Variants in SERPINI1 observed in about 807,000 individuals in gnomAD.
SERPINI1 encodes serpin family I member 1, also known as neuroserpin.
A neutral mutation model predicts 41.1 loss-of-function variants in SERPINI1; 19 were observed. The ratio of observed to expected loss-of-function variants is 0.46; its 90% CI spans 0.32 to 0.68. The LOEUF is 0.68. Ranked by LOEUF, SERPINI1 falls within the 30% of genes least tolerant of loss-of-function variation. SERPINI1 has a pLI of 0.03. For missense variants in SERPINI1, 460 were observed against 479.2 expected, an observed-to-expected ratio of 0.96 and a Z score of 0.37; for synonymous variants, 138 against 156.6, an observed-to-expected ratio of 0.88 and a Z score of 0.89.
chr3:167,797,807 A>G (rs1727765004), intron 5 of SERPINI1, among the ~76,000 whole-genome samples: 1 of 152,094 alleles, frequency 6.6e-6, no homozygotes, highest in Admixed American at 6.6e-5. Flanking sequence ...CTTAATTCCA[A>G]AGAACAATTT....
intron 1 of SERPINI1, among the ~76,000 whole-genome samples, chr3:167,744,748 CTA>C (rs1248061046): frequency 4.5e-5 from 5 of 110,378 alleles, no homozygotes; most frequent in African/African-American, 1.1e-4. Context: ...TTATATATAA[CTA>C]TATTTATATA....
At chr3:167,797,105 T>G (rs60679606) in intron 5 of SERPINI1, among the ~76,000 whole-genome samples, 19,454 of 152,134 alleles carry the variant, frequency 0.13, 1,490 homozygotes, top group African/African-American at 0.21. Context: ...ATTTCTCTAA[T>G]GTTCAGTGAT....
At chr3:167,791,764 A>C (rs1222800204) in intron 3 of SERPINI1, among the ~76,000 whole-genome samples, 2 of 152,238 alleles carry the variant, frequency 1.3e-5, no homozygotes, top group Non-Finnish European at 2.9e-5. Context: ...GTATATTGGC[A>C]GAATGATGTC....
intron 1 of SERPINI1, among the ~76,000 whole-genome samples, chr3:167,784,562 C>T (rs918947037): frequency 6.6e-6 from 1 of 152,090 alleles, no homozygotes; most frequent in African/African-American, 2.4e-5. Context: ...CTAGGGAGGC[C>T]TCAGGAGACT....
intron 1 of SERPINI1, among the ~76,000 whole-genome samples, chr3:167,769,143 A>T (rs1215394674): frequency 1.3e-5 from 2 of 152,016 alleles, no homozygotes; most frequent in African/African-American, 4.8e-5. Flanking sequence ...ACAGGTGCAC[A>T]CCACCATGCC....
chr3:167,824,584 A>C, intron 8 of SERPINI1, 22 bp downstream of exon 8: 2 of 1,467,232 alleles, frequency 1.4e-6, no homozygotes, highest in Non-Finnish European at 1.9e-6. Flanking sequence ...ATGAAAACAA[A>C]ATTTTATTTA....
intron 1 of SERPINI1, among the ~76,000 whole-genome samples, chr3:167,738,342 T>C (rs181601381): frequency 2.0e-5 from 3 of 152,240 alleles, no homozygotes; most frequent in Admixed American, 2.0e-4. Context: ...TGGTCTTTTC[T>C]TTAGAGTTCT....
chr3:167,779,102 T>C (rs1199687906), intron 1 of SERPINI1, among the ~76,000 whole-genome samples: 1 of 152,206 alleles, frequency 6.6e-6, no homozygotes, highest in Non-Finnish European at 1.5e-5. Flanking sequence ...CAAGCAATGA[T>C]TAAGTGATTA....
intron 1 of SERPINI1, among the ~76,000 whole-genome samples, chr3:167,756,677 CT>C (rs962455904): frequency 5.9e-5 from 9 of 151,300 alleles, no homozygotes; most frequent in African/African-American, 1.5e-4. Context: ...GATAAGTCAT[CT>C]TTTTTTTTGA....
intron 6 of SERPINI1, among the ~76,000 whole-genome samples, chr3:167,811,570 G>A (rs924268978): frequency 7.2e-5 from 11 of 152,150 alleles, no homozygotes; most frequent in African/African-American, 2.6e-4. Context: ...AAGTGATAAC[G>A]GCAGTTGCCT....
At chr3:167,772,887 TATATATACACAC>T (rs1456953119) in intron 1 of SERPINI1, among the ~76,000 whole-genome samples, 36 of 75,674 alleles carry the variant, frequency 4.8e-4, no homozygotes, top group Non-Finnish European at 7.4e-4. Context: ...TATATATATA[TATATATACACAC>T]ACACACACAC....
At chr3:167,807,103 C>A in intron 5 of SERPINI1, 141 bp from the exon 6 acceptor site, 1 of 649,782 alleles carries the variant, frequency 1.5e-6, no homozygotes, top group Non-Finnish European at 2.8e-6. Flanking sequence ...CAATCAAATG[C>A]TAATTGCAGT....
In SERPINI1 at chr3:167,825,289, T is replaced by C. The variant is rs1577439421; in HGVS notation, c.1199T>C (p.Met400Thr). Residue 400 changes from methionine (M) to threonine (T), a missense_variant, in exon 9 of 9, where the codon ATG becomes ACG. By Grantham distance (81) the Met-to-Thr change is moderately conservative (BLOSUM62 -1). Coordinates refer to ENST00000446050, the MANE Select transcript of SERPINI1 (RefSeq NM_001122752.2). The stretch of plus-strand genomic sequence containing the variant: ...GGACGAGTCATGCATCCTGAAACAA[T>C]GAACACAAGTGGACATGATTTCGAA... ...FMGRVMHPET[M>T]NTSGHDFEEL 6.2e-7 allele frequency: 1 copy of C among 1,613,438 alleles called. No individual in the cohort carries two copies. The highest frequency in any genetic ancestry group is 1.7e-4 in the Middle Eastern group (1 of 6,058).
intron 2 of SERPINI1, among the ~76,000 whole-genome samples, chr3:167,789,608 A>G (rs1727430825): frequency 6.6e-6 from 1 of 152,224 alleles, no homozygotes; most frequent in African/African-American, 2.4e-5. Context: ...TATGATTTAC[A>G]TAAACTCCTT....
chr3:167,765,833 A>C (rs1358774551), intron 1 of SERPINI1, among the ~76,000 whole-genome samples: 2 of 152,162 alleles, frequency 1.3e-5, no homozygotes, highest in Non-Finnish European at 2.9e-5. Context: ...CATCTCTGTC[A>C]AGTTCAAAGT....
chr3:167,743,137 A>G (rs770628069), intron 1 of SERPINI1, among the ~76,000 whole-genome samples: 14 of 152,324 alleles, frequency 9.2e-5, no homozygotes, highest in Non-Finnish European at 1.8e-4. Flanking sequence ...TACAAATACA[A>G]GAAAAATTGA....
At chr3:167,777,728 A>T (rs1433761884) in intron 1 of SERPINI1, among the ~76,000 whole-genome samples, 8 of 152,208 alleles carry the variant, frequency 5.3e-5, no homozygotes, top group Admixed American at 5.2e-4. Flanking sequence ...TTGGCACTAC[A>T]TATTCTCTTA....
In SERPINI1 at chr3:167,789,354, A is replaced by G. The variant is rs1727422336; in HGVS notation, c.226A>G (p.Met76Val). 9 of 1,614,154 alleles carry G rather than the reference A, an allele frequency of 5.6e-6. No homozygotes were observed. The highest frequency in any genetic ancestry group is 7.6e-6 in the Non-Finnish European group (9 of 1,179,990). Residue 76 changes from methionine to valine, a missense_variant, in exon 2 of 9, where the codon ATG becomes GTG. Transcript: ENST00000446050. ...TACCCAGAAAGAAATCCGCCACTCAATGGGATATGACAGCCTAAAAAATGG... is the reference window on the plus strand; with the variant it reads ...TACCCAGAAAGAAATCCGCCACTCAGTGGGATATGACAGCCTAAAAAATGG... ...GSTQKEIRHS[M>V]GYDSLKNGEE...
At position 167,790,377 on chromosome 3, in the gene SERPINI1, G is replaced by A; in HGVS notation, c.256G>A (p.Glu86Lys). 6.2e-7 allele frequency: 1 copy of A among 1,606,260 alleles called. No homozygotes were observed. Reference protein sequence around the residue: ...MGYDSLKNGEEFSFLKEFSNM... With the variant: ...MGYDSLKNGEKFSFLKEFSNM... ...TATCCTTTCTCATCTTTCAGGTGAA[G>A]AATTTTCTTTCTTGAAGGAGTTTTC... Residue 86 changes from glutamate (E) to lysine (K), a missense_variant, in exon 3 of 9, where the codon GAA becomes AAA. By Grantham distance (56) the Glu-to-Lys change is moderately conservative. Transcript: ENST00000446050.
Sources: allele counts gnomAD v4.1 joint callset (sites outside exome capture counted in the v4.1 genomes callset), GRCh38; gene constraint gnomAD v4.1.1; transcripts MANE v1.5; gene names NCBI Gene and HGNC (gene_info 2026-07-23, HGNC 2026-07-21).